Variants in WASF3 observed in about 807,000 individuals in gnomAD.
WASF3 encodes the protein WASP family member 3, also known as actin-binding protein WASF3.
In WASF3, 11 loss-of-function variants were observed where a neutral mutation model predicts 46.6. That is an observed-to-expected ratio of 0.24 (90% CI 0.15 to 0.39). The LOEUF is 0.39. WASF3 is among the 10% of genes least tolerant of loss of function. The probability of loss-of-function intolerance (pLI) is 1.00; values close to 1 mark genes in which losing one functional copy is unlikely to be tolerated. For missense variants in WASF3, 576 were observed against 669.8 expected (o/e 0.86, Z 1.55); for synonymous variants, 242 against 259.7 (o/e 0.93, Z 0.65).
At chr13:26,595,726 TTACA>T (rs1388126889) in intron 1 of WASF3, among the ~76,000 whole-genome samples, 9 of 152,250 alleles carry the variant, frequency 5.9e-5, no homozygotes, top group Non-Finnish European at 2.9e-5. Flanking sequence ...TTTCAGAATG[TTACA>T]TACATGAAAT....
intron 2 of WASF3, among the ~76,000 whole-genome samples, chr13:26,623,954 C>G (rs1046342179): frequency 6.6e-6 from 1 of 152,158 alleles, no homozygotes; most frequent in Non-Finnish European, 1.5e-5. Context: ...TCCCTCAAAC[C>G]CTGACTAGGT....
At chr13:26,544,729 A>C in the WASF3 span, among the ~76,000 whole-genome samples, 3 of 152,064 alleles carry the variant, frequency 2.0e-5, no homozygotes, top group Non-Finnish European at 4.4e-5. Context: ...CTGTTTGGTG[A>C]AGTCGGCTAC....
intron 1 of WASF3, among the ~76,000 whole-genome samples, chr13:26,567,849 G>A (rs949488854): frequency 6.6e-5 from 10 of 152,066 alleles, no homozygotes; most frequent in African/African-American, 2.4e-4. Flanking sequence ...AGAAAGCGAA[G>A]CACGTGAAGA....
At chr13:26,681,025 T>A in intron 7 of WASF3, 29 bp from the exon 8 acceptor site, 1 of 1,573,816 alleles carries the variant, frequency 6.4e-7, no homozygotes, top group South Asian at 1.1e-5. Flanking sequence ...TAATTTAAAT[T>A]TCTCCCACCT....
chr13:26,618,359 A>G (rs890083751), intron 2 of WASF3, among the ~76,000 whole-genome samples: 17 of 152,140 alleles, frequency 1.1e-4, no homozygotes, highest in African/African-American at 4.1e-4. Flanking sequence ...CACATTTGCA[A>G]TTAAAGTACC....
chr13:26,572,527 A>G (rs562336797), intron 1 of WASF3, among the ~76,000 whole-genome samples: 2 of 152,264 alleles, frequency 1.3e-5, no homozygotes, highest in South Asian at 4.2e-4. Flanking sequence ...GGTGAATTAT[A>G]TTACTAGATT....
chr13:26,560,480 T>C (rs1228207971), intron 1 of WASF3, among the ~76,000 whole-genome samples: 1 of 152,152 alleles, frequency 6.6e-6, no homozygotes, highest in Non-Finnish European at 1.5e-5. Context: ...TTTAATACTG[T>C]AGATGAAATA....
chr13:26,597,974 T>C (rs959737604), intron 1 of WASF3, among the ~76,000 whole-genome samples: 4 of 152,246 alleles, frequency 2.6e-5, no homozygotes, highest in Admixed American at 6.5e-5. Context: ...CCTTTGGGTA[T>C]ATACCCAGTA....
At chr13:26,601,111 C>G (rs1362278306) in intron 1 of WASF3, among the ~76,000 whole-genome samples, 1 of 152,080 alleles carries the variant, frequency 6.6e-6, no homozygotes, top group Non-Finnish European at 1.5e-5. Flanking sequence ...TTGCTGATTA[C>G]TTTTGTATTA....
chr13:26,562,370 G>C (rs1437061624), intron 1 of WASF3, among the ~76,000 whole-genome samples: 1 of 152,184 alleles, frequency 6.6e-6, no homozygotes, highest in Non-Finnish European at 1.5e-5. Context: ...GGACACTAGA[G>C]GCAACAGTGA....
chr13:26,558,276 C>T, intron 1 of WASF3, among the ~76,000 whole-genome samples: 1 of 152,072 alleles, frequency 6.6e-6, no homozygotes. Flanking sequence ...TGGTTCTGGT[C>T]CAGCTCCGCG....
chr13:26,626,893 AGTT>A (rs1881480730), intron 2 of WASF3, among the ~76,000 whole-genome samples: 2 of 152,226 alleles, frequency 1.3e-5, no homozygotes, highest in African/African-American at 4.8e-5. Context: ...TCAGGGGAGA[AGTT>A]GACAAATACA....
upstream of WASF3, among the ~76,000 whole-genome samples, chr13:26,554,425 A>G (rs1266956519): frequency 6.6e-6 from 1 of 152,094 alleles, no homozygotes; most frequent in African/African-American, 2.4e-5. Flanking sequence ...GCCACTGCAC[A>G]TAGCCCAAAA....
At chr13:26,557,266 C>T (rs1426011144), upstream of WASF3, among the ~76,000 whole-genome samples, 1 of 152,218 alleles carries the variant, frequency 6.6e-6, no homozygotes, top group Non-Finnish European at 1.5e-5. Context: ...GAAGCCTCAG[C>T]CCTGGAGGAC....
upstream of WASF3, among the ~76,000 whole-genome samples, chr13:26,555,056 T>G (rs7985287): frequency 6.6e-6 from 1 of 152,146 alleles, no homozygotes; most frequent in South Asian, 2.1e-4. Context: ...TATCCTTAGG[T>G]TTTTTGTTGT....
chr13:26,589,173 C>A (rs1214053008), intron 1 of WASF3, among the ~76,000 whole-genome samples: 1 of 152,128 alleles, frequency 6.6e-6, no homozygotes, highest in African/African-American at 2.4e-5. Context: ...ATAGTTACTT[C>A]GTTCCTTTCT....
Position 26,686,093 on chromosome 13 carries a change from C to G in WASF3, c.*248C>G, listed in dbSNP as rs1883396703. On this transcript the variant is annotated 3_prime_UTR_variant, in exon 10 of 10. Transcript: ENST00000335327. Reference sequence around the variant, plus strand: ...TGTCACTATCACATTGTCCTGAAAACAGCATCTGCTTTCCTCTTGGCCATG... The same window carrying G: ...TGTCACTATCACATTGTCCTGAAAAGAGCATCTGCTTTCCTCTTGGCCATG... 6.4e-6 allele frequency: 3 copies of G among 465,618 alleles called. No homozygotes were observed. The South Asian group carries it at 1.1e-4, about 17-fold the overall frequency. 28.8% of individuals were successfully genotyped at this position (465,618 alleles called of 1,614,324 possible).
rs1258219606 is a variant in WASF3 at position 26,562,542 on chromosome 13, GT to G, written c.-109+4728del. On this transcript the variant is annotated intron_variant, in intron 1 of 9. Coordinates refer to ENST00000335327, the MANE Select transcript of WASF3 (RefSeq NM_006646.6). The stretch of plus-strand genomic sequence containing the variant: ...GGGCAGATAAAGGGGGAACCCTTTG[GT>G]TTTTGTTTTTTAAATGGGGGGATTT... Among the ~76,000 whole-genome samples, 8 of 152,230 alleles carry G rather than the reference GT, an allele frequency of 5.3e-5. No individual in the cohort carries two copies. The East Asian group carries it at 1.4e-3, about 26-fold the overall frequency.
At position 26,592,054 on chromosome 13, in the gene WASF3, C is replaced by T. The variant is rs1336779689; in HGVS notation, c.-108-20907C>T. Among the ~76,000 whole-genome samples, 4 of 146,110 alleles carry T rather than the reference C, an allele frequency of 2.7e-5. No homozygotes were observed. The South Asian group carries it at 8.7e-4, about 32-fold the overall frequency. ...TTTTTTTTTTTTTTTTTGCTTTCTA[C>T]CGCAGTGATTCTAGATTATTTTGGG... is the stretch of plus-strand genomic sequence containing the variant. On this transcript the variant is annotated intron_variant, in intron 1 of 9. Coordinates refer to ENST00000335327, the MANE Select transcript of WASF3 (RefSeq NM_006646.6).
Sources: allele counts gnomAD v4.1 joint callset (sites outside exome capture counted in the v4.1 genomes callset), GRCh38; gene constraint gnomAD v4.1.1; transcripts MANE v1.5; gene names NCBI Gene and HGNC (gene_info 2026-07-23, HGNC 2026-07-21).